CNTN5: variants seen among roughly 807,000 people sequenced by gnomAD.
The protein encoded by CNTN5 is contactin-5.
In CNTN5, 77 loss-of-function variants were observed where a neutral mutation model predicts 129.1. The observed-to-expected ratio is 0.60, with a 90% CI of 0.50 to 0.72. The LOEUF (loss-of-function observed/expected upper bound fraction) is 0.72. Among genes scored for constraint, CNTN5 ranks in the 30% least tolerant of loss-of-function variants. The probability of loss-of-function intolerance (pLI) is 0.00; values close to 1 mark genes in which losing one functional copy is unlikely to be tolerated. For missense variants in CNTN5, 1,478 were observed against 1,328.8 expected (o/e 1.11, Z -1.75); for synonymous variants, 509 against 465.6 (o/e 1.09, Z -1.20).
At chr11:100,253,617 T>G (rs2138719334) in intron 16 of CNTN5, among the ~76,000 whole-genome samples, 1 of 152,278 alleles carries the variant, frequency 6.6e-6, no homozygotes, top group South Asian at 2.1e-4. Flanking sequence ...ATTAAATCAT[T>G]ATAATGTATT....
chr11:99,675,664 C>T (rs549317672), intron 3 of CNTN5, among the ~76,000 whole-genome samples: 4 of 151,804 alleles, frequency 2.6e-5, no homozygotes, highest in African/African-American at 7.2e-5. Flanking sequence ...TCCAGCCTGT[C>T]GACAGAGCAA....
At chr11:99,825,235 C>T (rs1301702559) in intron 4 of CNTN5, among the ~76,000 whole-genome samples, 2 of 151,926 alleles carry the variant, frequency 1.3e-5, no homozygotes, top group African/African-American at 4.8e-5. Context: ...TTTTCCCTTG[C>T]TTTACATTAG....
intron 13 of CNTN5, among the ~76,000 whole-genome samples, chr11:100,150,424 A>G (rs1341537920): frequency 1.3e-5 from 2 of 152,058 alleles, no homozygotes; most frequent in Non-Finnish European, 2.9e-5. Context: ...TTTAATGTGT[A>G]TGGCCATATG....
chr11:99,877,167 T>C (rs926064695), intron 6 of CNTN5, among the ~76,000 whole-genome samples: 2 of 152,202 alleles, frequency 1.3e-5, no homozygotes, highest in African/African-American at 4.8e-5. Context: ...TAAAAGTGTT[T>C]TCCATCTTTG....
intron 6 of CNTN5, among the ~76,000 whole-genome samples, chr11:99,883,491 G>A (rs1317005053): frequency 3.9e-5 from 6 of 152,190 alleles, no homozygotes; most frequent in Admixed American, 6.5e-5. Flanking sequence ...CTATTCATAC[G>A]CCTGTTAGAA....
At chr11:100,251,434 T>C (rs949522057) in intron 16 of CNTN5, among the ~76,000 whole-genome samples, 3 of 152,128 alleles carry the variant, frequency 2.0e-5, no homozygotes, top group African/African-American at 7.2e-5. Context: ...TTGGGAACAT[T>C]CAATATCCTC....
intron 11 of CNTN5, among the ~76,000 whole-genome samples, chr11:100,071,025 C>T (rs879790474): frequency 2.0e-5 from 3 of 151,758 alleles, no homozygotes; most frequent in African/African-American, 2.4e-5. Context: ...ATTAAGTAGA[C>T]AAGACATTTG....
intron 1 of CNTN5, among the ~76,000 whole-genome samples, chr11:99,112,819 T>C (rs1857859923): frequency 6.6e-6 from 1 of 152,094 alleles, no homozygotes; most frequent in South Asian, 2.1e-4. Flanking sequence ...AAATTTTGTC[T>C]AACATTGATT....
intron 13 of CNTN5, among the ~76,000 whole-genome samples, chr11:100,084,053 A>G (rs1944461038): frequency 6.6e-6 from 1 of 152,142 alleles, no homozygotes; most frequent in Admixed American, 6.6e-5. Flanking sequence ...TTTTGACTTT[A>G]CATGTTACAT....
At chr11:99,148,794 T>C (rs1230566582) in intron 1 of CNTN5, among the ~76,000 whole-genome samples, 1 of 152,124 alleles carries the variant, frequency 6.6e-6, no homozygotes, top group Non-Finnish European at 1.5e-5. Flanking sequence ...TTTCTACTCT[T>C]CTCTCCATTC....
chr11:99,312,029 A>G (rs1247247699), intron 1 of CNTN5, among the ~76,000 whole-genome samples: 1 of 152,188 alleles, frequency 6.6e-6, no homozygotes, highest in Non-Finnish European at 1.5e-5. Flanking sequence ...TAGCCAGGAG[A>G]TAAATTTCAA....
intron 13 of CNTN5, among the ~76,000 whole-genome samples, chr11:100,142,206 G>A (rs1946717104): frequency 6.6e-6 from 1 of 152,074 alleles, no homozygotes; most frequent in South Asian, 2.1e-4. Flanking sequence ...CTCACTACCA[G>A]GATTTCTGGG....
At chr11:100,262,329 T>C (rs527500228) in intron 17 of CNTN5, among the ~76,000 whole-genome samples, 1 of 152,314 alleles carries the variant, frequency 6.6e-6, no homozygotes, top group South Asian at 2.1e-4. Context: ...GGAATACTTT[T>C]ACACTGTTGA....
intron 3 of CNTN5, among the ~76,000 whole-genome samples, chr11:99,693,064 T>C (rs890292769): frequency 2.0e-5 from 3 of 152,114 alleles, no homozygotes; most frequent in Non-Finnish European, 2.9e-5. Context: ...GAAAAAATTT[T>C]CAAGCTGTAA....
At chr11:100,352,493 T>C (rs184653877) in intron 24 of CNTN5, among the ~76,000 whole-genome samples, 1 of 151,832 alleles carries the variant, frequency 6.6e-6, no homozygotes, top group African/African-American at 2.4e-5. Context: ...AAAATGTATA[T>C]ATGTACAGAA....
At chr11:99,721,566 G>T (rs1048763193) in intron 3 of CNTN5, among the ~76,000 whole-genome samples, 2 of 152,078 alleles carry the variant, frequency 1.3e-5, no homozygotes, top group African/African-American at 4.8e-5. Flanking sequence ...CCTGGGCATA[G>T]GAACCAACAA....
At chr11:99,129,970 G>A (rs1483344707) in intron 1 of CNTN5, among the ~76,000 whole-genome samples, 1 of 152,114 alleles carries the variant, frequency 6.6e-6, no homozygotes, top group Non-Finnish European at 1.5e-5. Context: ...AAAGCACTAA[G>A]CATGAAAAGG....
intron 13 of CNTN5, among the ~76,000 whole-genome samples, chr11:100,152,328 G>T (rs1475884817): frequency 6.6e-6 from 1 of 152,064 alleles, no homozygotes; most frequent in Non-Finnish European, 1.5e-5. Context: ...CTTAAGTTTG[G>T]AAGGTTAATT....
intron 3 of CNTN5, among the ~76,000 whole-genome samples, chr11:99,778,757 T>G (rs995217047): frequency 6.6e-6 from 1 of 151,920 alleles, no homozygotes; most frequent in African/African-American, 2.4e-5. Flanking sequence ...TCACTATGAT[T>G]ATTTTGGTAA....
Sources: gnomAD v4.1 joint callset for allele counts (sites outside exome capture counted in the v4.1 genomes callset) on GRCh38, gnomAD v4.1.1 for gene constraint, MANE v1.5 for transcripts, NCBI Gene and HGNC (gene_info 2026-07-23, HGNC 2026-07-21) for gene names.